The following CAMSAP2 variants were observed in gnomAD, a reference collection of about 807,000 sequenced individuals.
The protein encoded by CAMSAP2 is calmodulin-regulated spectrin-associated protein 2.
A neutral mutation model predicts 146.1 loss-of-function variants in CAMSAP2; 26 were observed. The ratio of observed to expected loss-of-function variants is 0.18; its 90% CI spans 0.13 to 0.25. The LOEUF is 0.25. Ranked by LOEUF, CAMSAP2 falls within the 10% of genes least tolerant of loss-of-function variation. CAMSAP2 has a pLI of 1.00. For missense variants in CAMSAP2, 1,381 were observed against 1,759.3 expected, an observed-to-expected ratio of 0.78 and a Z score of 3.85; for synonymous variants, 499 against 596.6, an observed-to-expected ratio of 0.84 and a Z score of 2.38.
At chr1:200,750,078 GA>G (rs1253744851) in intron 1 of CAMSAP2, among the ~76,000 whole-genome samples, 7 of 152,148 alleles carry the variant, frequency 4.6e-5, no homozygotes, top group Non-Finnish European at 7.4e-5. Context: ...TTGCTTATGG[GA>G]AATAAGCAAA....
chr1:200,805,916 A>G (rs1392361178), intron 2 of CAMSAP2, among the ~76,000 whole-genome samples: 1 of 152,218 alleles, frequency 6.6e-6, no homozygotes. Flanking sequence ...AGAGAATGAT[A>G]TGATGCAATC....
In CAMSAP2 at chr1:200,849,958, A is replaced by G; in HGVS notation, c.3189A>G (p.Lys1063=). Residue 1063 remains lysine, a synonymous_variant, in exon 11 of 17, where the codon AAA becomes AAG. Coordinates refer to ENST00000358823, the MANE Select transcript of CAMSAP2 (RefSeq NM_203459.4). The surrounding 1 kb of genome is among the most constrained non-coding windows in gnomAD (Gnocchi z 6.3). ...ATAATCCAGAAGAAAAGGAAATCAA[A>G]CCTTTTGAGTCAACAGTCTCTGAAG... is the stretch of plus-strand genomic sequence containing the variant. ...RGHNPEEKEI[K]PFESTVSEVL... The G allele has an allele frequency of 6.2e-7, 1 of 1,614,056 alleles. No individual in the cohort carries two copies.
Position 200,815,588 on chromosome 1 carries a change from G to A in CAMSAP2, c.589G>A (p.Glu197Lys). 1 of 1,569,258 alleles carries A rather than the reference G, an allele frequency of 6.4e-7. No homozygotes were observed. The change falls in exon 4 of 17, where the codon GAA (glutamate) becomes AAA (lysine). Residue 197 changes from glutamate (E) to lysine (K), a missense_variant. Around this residue, in one of 4 missense-constraint regions of CAMSAP2, gnomAD observed 284 missense variants for 406.9 expected, o/e 0.70. Transcript: ENST00000358823. The part of the protein sequence containing the change: ...KVNEHLKDIM[E>K]QEQKLKEHHT... ...AAATGAACATTTGAAAGACATAATG[G>A]AACAAGAACAAAAACTGAAAGAACA...
At chr1:200,759,562 C>T (rs1382689178) in intron 1 of CAMSAP2, among the ~76,000 whole-genome samples, 3 of 152,190 alleles carry the variant, frequency 2.0e-5, no homozygotes, top group African/African-American at 7.2e-5. Context: ...CGGGCGTGAG[C>T]CACCGCGCCC....
At chr1:200,834,709 T>C (rs1348538340) in intron 6 of CAMSAP2, among the ~76,000 whole-genome samples, 1 of 151,928 alleles carries the variant, frequency 6.6e-6, no homozygotes, top group Non-Finnish European at 1.5e-5. Context: ...AGTCCAGGAG[T>C]TTGAGACCGG....
At chr1:200,743,176 T>C (rs763054344) in intron 1 of CAMSAP2, among the ~76,000 whole-genome samples, 7 of 152,234 alleles carry the variant, frequency 4.6e-5, no homozygotes, top group Non-Finnish European at 8.8e-5. Context: ...TTAAATGTTC[T>C]GTTCTCTTAA....
chr1:200,778,860 C>A (rs1299069502), intron 2 of CAMSAP2, among the ~76,000 whole-genome samples: 1 of 151,824 alleles, frequency 6.6e-6, no homozygotes, highest in African/African-American at 2.4e-5. Context: ...GGGTTGGGTC[C>A]AAGCCATTTT....
chr1:200,838,066 TG>T (rs1381740021), intron 6 of CAMSAP2, among the ~76,000 whole-genome samples: 3 of 152,184 alleles, frequency 2.0e-5, no homozygotes, highest in Admixed American at 2.0e-4. Context: ...TGAAATATGG[TG>T]ACAGATTTAT....
rs777895310 is a variant in CAMSAP2, at chr1:200,842,099, T to G, written c.1021+12T>G. 3 of 1,595,324 alleles carry G rather than the reference T, an allele frequency of 1.9e-6. No individual in the cohort carries two copies. In the Admixed American group the frequency reaches 5.0e-5, roughly 27 times the overall value. On this transcript the variant is annotated intron_variant, in intron 7 of 16. Transcript: ENST00000358823. ...TCGTCCACAAGGAGGTAATCAATCT[T>G]TTTAATTTTAAATGTTCCTATGAAC...
chr1:200,854,859 A>G lies in CAMSAP2; in HGVS notation c.3866A>G (p.Glu1289Gly). ...SLASLNTGDN[E>G]SVHSGKRTPR... ...GCATCGCTGAACACGGGTGATAACG[A>G]GAGTGTACATTCAGGCAAGAGGACG... The change falls in exon 14 of 17, where the codon GAG (glutamate) becomes GGG (glycine). Residue 1289 changes from glutamate (E) to glycine (G), a missense_variant. Around this residue, in one of 4 missense-constraint regions of CAMSAP2, gnomAD observed 560 missense variants for 715.9 expected, o/e 0.78. Transcript: ENST00000358823. 1 of 1,612,240 alleles carries G rather than the reference A, an allele frequency of 6.2e-7. No homozygotes were observed. The highest frequency in any genetic ancestry group is 8.5e-7 in the Non-Finnish European group (1 of 1,179,114).
intron 2 of CAMSAP2, among the ~76,000 whole-genome samples, chr1:200,787,287 TAC>T (rs1665620976): frequency 6.6e-6 from 1 of 152,234 alleles, no homozygotes; most frequent in Non-Finnish European, 1.5e-5. Context: ...GAAAAGGATT[TAC>T]CAATCTAGAT....
At chr1:200,846,836 G>A (rs893689911) in intron 8 of CAMSAP2, among the ~76,000 whole-genome samples, 2 of 152,232 alleles carry the variant, frequency 1.3e-5, no homozygotes, top group African/African-American at 2.4e-5. Flanking sequence ...GGCTGTCAAG[G>A]TATTTTACTA....
At chr1:200,819,454 G>A (rs573052283) in intron 4 of CAMSAP2, among the ~76,000 whole-genome samples, 2 of 152,236 alleles carry the variant, frequency 1.3e-5, no homozygotes, top group East Asian at 1.9e-4. Flanking sequence ...GTACTTGAAC[G>A]ATTTCTGAAG....
At position 200,807,447 on chromosome 1, in the gene CAMSAP2, A is replaced by T. The variant is rs144271144; in HGVS notation, c.471A>T (p.Val157=). ...YTVEMVSIEK[V]IACAQQYSAF... ...TAGAAATGGTCAGTATAGAAAAAGT[A>T]ATTGCGTGTGCTCAGCAGTATTCAG... is the stretch of plus-strand genomic sequence containing the variant. Residue 157 remains valine, a synonymous_variant, in exon 3 of 17, where the codon GTA becomes GTT. Coordinates refer to ENST00000358823, the MANE Select transcript of CAMSAP2 (RefSeq NM_203459.4). The T allele has an allele frequency of 1.0e-4, 165 of 1,605,112 alleles. No homozygotes were observed. The East Asian group carries it at 3.5e-3, about 34-fold the overall frequency.
chr1:200,749,539 T>C (rs893914382), intron 1 of CAMSAP2, among the ~76,000 whole-genome samples: 1 of 152,230 alleles, frequency 6.6e-6, no homozygotes, highest in Admixed American at 6.5e-5. Context: ...CTCATAAATA[T>C]TAGGTATCTT....
chr1:200,745,968 G>C (rs942510008), intron 1 of CAMSAP2, among the ~76,000 whole-genome samples: 1 of 151,806 alleles, frequency 6.6e-6, no homozygotes, highest in African/African-American at 2.4e-5. Flanking sequence ...TTTAAAAATA[G>C]GTATACAGGT....
chr1:200,778,093 A>G (rs1665330847), intron 2 of CAMSAP2, among the ~76,000 whole-genome samples: 1 of 152,210 alleles, frequency 6.6e-6, no homozygotes, highest in South Asian at 2.1e-4. Flanking sequence ...TACAGAATCA[A>G]AAAACAATTT....
chr1:200,795,819 T>G (rs761644442), intron 2 of CAMSAP2, among the ~76,000 whole-genome samples: 2 of 152,204 alleles, frequency 1.3e-5, no homozygotes, highest in African/African-American at 2.4e-5. Flanking sequence ...TCTCAACTAC[T>G]TCCTTGTCTC....
At chr1:200,750,486 CTT>C (rs1368455925) in intron 1 of CAMSAP2, among the ~76,000 whole-genome samples, 1 of 152,074 alleles carries the variant, frequency 6.6e-6, no homozygotes, top group Non-Finnish European at 1.5e-5. Context: ...CCCAAATACT[CTT>C]TACCCAGATT....
Sources: gnomAD v4.1 joint callset for allele counts (sites outside exome capture counted in the v4.1 genomes callset) on GRCh38, gnomAD v4.1.1 for gene constraint, gnomAD v4.1.1 regional missense constraint, Gnocchi (gnomAD v3.1) non-coding constraint, MANE v1.5 for transcripts, NCBI Gene and HGNC (gene_info 2026-07-23, HGNC 2026-07-21) for gene names.